The following GBF1 variants were observed in gnomAD, a reference collection of about 807,000 sequenced individuals.
The protein encoded by GBF1 is Golgi-specific brefeldin A-resistance guanine nucleotide exchange factor 1.
GBF1 carries 114 observed loss-of-function variants against 210.5 expected under a neutral mutation model. The observed-to-expected ratio is 0.54, with a 90% CI of 0.47 to 0.63. The LOEUF (loss-of-function observed/expected upper bound fraction) is 0.63, where lower values mean the gene tolerates loss of function less well. GBF1 is among the 30% of genes least tolerant of loss of function. The pLI is 0.00. For synonymous variants in GBF1, 850 were observed against 889.2 expected, an observed-to-expected ratio of 0.96 and a Z score of 0.78; for missense variants, 1,851 against 2,357.7, an observed-to-expected ratio of 0.79 and a Z score of 4.45.
intron 3 of GBF1, among the ~76,000 whole-genome samples, chr10:102,330,945 T>A (rs2057289888): frequency 6.6e-6 from 1 of 152,076 alleles, no homozygotes; most frequent in Non-Finnish European, 1.5e-5. Flanking sequence ...TAAGTGCCTG[T>A]CTTATCTTTT....
In GBF1 at chr10:102,363,659, G is replaced by T. The variant is rs754949421; in HGVS notation, c.2018-51G>T. On this transcript the variant is annotated intron_variant, in intron 16 of 39. Coordinates refer to ENST00000369983, the MANE Select transcript of GBF1 (RefSeq NM_001377137.1). This position sits in a 1 kb window ranked among gnomAD's most constrained non-coding sequence, Gnocchi z 4.2. ...GGTGACCTTCCAAAAGTCCTTATCT[G>T]GGTAAAAAAAGGTGTTACAGATATT... is the stretch of plus-strand genomic sequence containing the variant. 8.2e-7 allele frequency: 1 copy of T among 1,215,614 alleles called. No homozygotes were observed. Among genetic ancestry groups the T allele is most frequent in the East Asian group, 2.3e-5 (1 of 43,090 alleles). The allele number at this position is 1,215,614 out of a possible 1,614,324, so 75.3% of individuals were successfully genotyped here.
chr10:102,350,807 G>A (rs865848092), intron 4 of GBF1, among the ~76,000 whole-genome samples: 1 of 152,034 alleles, frequency 6.6e-6, no homozygotes, highest in African/African-American at 2.4e-5. Context: ...TATGGGGCCG[G>A]GTGCAGTGGC....
intron 12 of GBF1, among the ~76,000 whole-genome samples, 198 bp from the exon 13 acceptor site, chr10:102,360,824 A>T (rs778878281): frequency 2.0e-5 from 3 of 152,050 alleles, no homozygotes; most frequent in African/African-American, 7.3e-5. Flanking sequence ...AAAAATATCA[A>T]ATTAGCTGGG....
At chr10:102,327,472 A>G (rs11191260) in intron 3 of GBF1, among the ~76,000 whole-genome samples, 8,330 of 152,318 alleles carry the variant, frequency 0.055, 726 homozygotes, top group African/African-American at 0.19. Context: ...CAGCAGTAAT[A>G]GTAAATAACT....
chr10:102,326,068 C>G (rs990136996), intron 3 of GBF1, among the ~76,000 whole-genome samples: 3 of 152,168 alleles, frequency 2.0e-5, no homozygotes, highest in African/African-American at 7.2e-5. Context: ...CATGCAAGGC[C>G]TCATAACGGA....
At chr10:102,355,568 A>C (rs918138084) in intron 8 of GBF1, among the ~76,000 whole-genome samples, 1 of 152,144 alleles carries the variant, frequency 6.6e-6, no homozygotes, top group Non-Finnish European at 1.5e-5. Context: ...CTTGGCCCCT[A>C]CTCCAGCCAG....
chr10:102,315,137 G>A (rs1217495292), intron 3 of GBF1, among the ~76,000 whole-genome samples: 1 of 152,130 alleles, frequency 6.6e-6, no homozygotes, highest in African/African-American at 2.4e-5. Context: ...TAGGAATACT[G>A]GAGTATAGGT....
intron 33 of GBF1, among the ~76,000 whole-genome samples, chr10:102,377,542 A>T (rs2060581568): frequency 6.6e-6 from 1 of 151,840 alleles, no homozygotes; most frequent in African/African-American, 2.4e-5. Context: ...TTTAGTAGAA[A>T]CGGGGTTTCA....
At chr10:102,355,242 T>C (rs1187687580) in intron 8 of GBF1, among the ~76,000 whole-genome samples, 1 of 152,218 alleles carries the variant, frequency 6.6e-6, no homozygotes. Context: ...TAAAAAACTC[T>C]GTGTATGTAC....
chr10:102,284,995 C>G (rs945101852), intron 3 of GBF1, among the ~76,000 whole-genome samples: 1 of 152,162 alleles, frequency 6.6e-6, no homozygotes, highest in Non-Finnish European at 1.5e-5. Flanking sequence ...GATGATAAAG[C>G]TCCTTTCAGG....
chr10:102,355,380 C>T (rs2059234842), intron 8 of GBF1, among the ~76,000 whole-genome samples: 1 of 152,222 alleles, frequency 6.6e-6, no homozygotes, highest in Admixed American at 6.5e-5. Context: ...TGATTATTAA[C>T]CTGGGACCTG....
intron 3 of GBF1, among the ~76,000 whole-genome samples, chr10:102,331,884 G>A (rs2057361357): frequency 8.8e-6 from 1 of 113,426 alleles, no homozygotes; most frequent in African/African-American, 3.4e-5. Flanking sequence ...TTTTGAGACA[G>A]CGTCTGGCTC....
intron 3 of GBF1, among the ~76,000 whole-genome samples, chr10:102,283,809 G>A (rs2075717637): frequency 6.6e-6 from 1 of 152,226 alleles, no homozygotes; most frequent in Non-Finnish European, 1.5e-5. Context: ...TGAAGTACCT[G>A]TGTTTCCAAA....
chr10:102,327,284 G>A (rs188034714), intron 3 of GBF1, among the ~76,000 whole-genome samples: 10 of 152,296 alleles, frequency 6.6e-5, no homozygotes, highest in Admixed American at 6.5e-4. Flanking sequence ...AAGAACCTAG[G>A]CCCTTAGGGG....
At chr10:102,371,926 A>G (rs1231117763) in intron 29 of GBF1, among the ~76,000 whole-genome samples, 2 of 138,858 alleles carry the variant, frequency 1.4e-5, no homozygotes, top group African/African-American at 2.6e-5. Context: ...ATTCTGTCTC[A>G]AAAAAAAAAA....
the GBF1 span, among the ~76,000 whole-genome samples, chr10:102,235,875 T>A: frequency 6.6e-6 from 1 of 152,066 alleles, no homozygotes; most frequent in East Asian, 1.9e-4. Flanking sequence ...GGTGACCCAG[T>A]CAACAAGGTA....
At chr10:102,376,181 C>A in intron 30 of GBF1, 91 bp from the exon 31 acceptor site, 1 of 949,198 alleles carries the variant, frequency 1.1e-6, no homozygotes, top group African/African-American at 1.6e-5. Context: ...GGAGGCCAGG[C>A]CTCAGCATCT....
chr10:102,296,696 G>A (rs970229245), intron 3 of GBF1, among the ~76,000 whole-genome samples: 6 of 150,190 alleles, frequency 4.0e-5, no homozygotes, highest in African/African-American at 1.2e-4. Context: ...AGCTGAGATC[G>A]TGCCACTGCA....
chr10:102,376,616 A>C lies in GBF1; in HGVS notation c.4104A>C (p.Ser1368=). The C allele has an allele frequency of 6.2e-7, 1 of 1,613,496 alleles. No homozygotes were observed. Among genetic ancestry groups the C allele is most frequent in the African/African-American group, 1.3e-5 (1 of 74,900 alleles). Reference sequence around the variant, plus strand: ...CAGGGCCCAGCCGCCCAGGCCCTTCACCCCTGATCAATCAATACAGCCTAA... The same window carrying C: ...CAGGGCCCAGCCGCCCAGGCCCTTCCCCCCTGATCAATCAATACAGCCTAA... ...SKPGPSRPGP[S]PLINQYSLTV... Residue 1368 remains serine (S), a synonymous_variant, in exon 32 of 40, where the codon TCA becomes TCC. Transcript: ENST00000369983.
Sources: allele counts gnomAD v4.1 joint callset (sites outside exome capture counted in the v4.1 genomes callset), GRCh38; gene constraint gnomAD v4.1.1; non-coding constraint Gnocchi (gnomAD v3.1); transcripts MANE v1.5; gene names NCBI Gene and HGNC (gene_info 2026-07-23, HGNC 2026-07-21).